The following CADM2 variants were observed in gnomAD, a reference collection of about 807,000 sequenced individuals.
The protein encoded by CADM2 is cell adhesion molecule 2, also known as immunoglobulin superfamily member 4D.
Under a neutral mutation model 49.8 loss-of-function variants are expected in CADM2, and 12 were observed. That is an observed-to-expected ratio of 0.24 (90% CI 0.15 to 0.39). CADM2 has a LOEUF of 0.39. Ranked by LOEUF, CADM2 falls within the 10% of genes least tolerant of loss-of-function variation. CADM2 has a pLI of 1.00. For synonymous variants in CADM2, 214 were observed against 175.4 expected, an observed-to-expected ratio of 1.22 and a Z score of -1.74; for missense variants, 378 against 492.3, an observed-to-expected ratio of 0.77 and a Z score of 2.20.
intron 1 of CADM2, among the ~76,000 whole-genome samples, chr3:85,341,053 C>G (rs1467852897): frequency 3.3e-5 from 5 of 151,514 alleles, no homozygotes; most frequent in Non-Finnish European, 7.4e-5. Flanking sequence ...TCCCTGAACT[C>G]TGAATTAATA....
chr3:85,917,830 C>T (rs1341469527), intron 6 of CADM2, among the ~76,000 whole-genome samples: 1 of 151,986 alleles, frequency 6.6e-6, no homozygotes, highest in African/African-American at 2.4e-5. Flanking sequence ...TGTTTGTGTC[C>T]TCTTTTATTT....
chr3:85,898,955 ATTT>A (rs35857247), intron 5 of CADM2, among the ~76,000 whole-genome samples: 28 of 33,870 alleles, frequency 8.3e-4, no homozygotes, highest in South Asian at 1.4e-3. Flanking sequence ...ATATATATAT[ATTT>A]TTTTTTTTTT....
chr3:86,018,585 T>C (rs1322267159), intron 8 of CADM2, among the ~76,000 whole-genome samples: 1 of 152,238 alleles, frequency 6.6e-6, no homozygotes, highest in Non-Finnish European at 1.5e-5. Flanking sequence ...TGGTGTGAGA[T>C]GGCATTGCAT....
chr3:85,168,678 CA>C, intron 1 of CADM2, among the ~76,000 whole-genome samples: 1 of 152,060 alleles, frequency 6.6e-6, no homozygotes, highest in East Asian at 1.9e-4. Context: ...TCACCCAAGC[CA>C]ATATATACTT....
At chr3:85,551,923 C>T (rs2061811821) in intron 1 of CADM2, among the ~76,000 whole-genome samples, 1 of 152,036 alleles carries the variant, frequency 6.6e-6, no homozygotes, top group South Asian at 2.1e-4. Flanking sequence ...TTCATTTGGA[C>T]AAAGGTGATG....
chr3:85,161,339 C>G (rs2040315214), intron 1 of CADM2, among the ~76,000 whole-genome samples: 1 of 152,066 alleles, frequency 6.6e-6, no homozygotes, highest in Admixed American at 6.6e-5. Flanking sequence ...TTTGTAGAAT[C>G]TATGAGGAGG....
chr3:85,378,228 C>T (rs919232403), intron 1 of CADM2, among the ~76,000 whole-genome samples: 6 of 151,950 alleles, frequency 3.9e-5, no homozygotes, highest in Admixed American at 2.0e-4. Flanking sequence ...TTACTTGGAC[C>T]AGGTCTCTGT....
intron 2 of CADM2, among the ~76,000 whole-genome samples, chr3:85,772,153 T>C (rs1241764863): frequency 6.6e-6 from 1 of 151,932 alleles, no homozygotes; most frequent in Non-Finnish European, 1.5e-5. Flanking sequence ...CCATAGCATT[T>C]ATGAAACATA....
intron 1 of CADM2, among the ~76,000 whole-genome samples, chr3:85,598,788 A>T (rs1215769944): frequency 6.6e-6 from 1 of 151,898 alleles, no homozygotes; most frequent in Non-Finnish European, 1.5e-5. Context: ...TTTAATTGCC[A>T]TTCTCTATAT....
intron 1 of CADM2, among the ~76,000 whole-genome samples, chr3:85,344,219 C>T (rs1290547898): frequency 1.4e-5 from 2 of 141,116 alleles, no homozygotes; most frequent in Non-Finnish European, 3.1e-5. Flanking sequence ...ACTAAAAATA[C>T]AAAAAAAAAA....
At chr3:85,793,147 G>A (rs139340970) in intron 2 of CADM2, among the ~76,000 whole-genome samples, 117 of 152,240 alleles carry the variant, frequency 7.7e-4, no homozygotes, top group Middle Eastern at 3.4e-3. Flanking sequence ...AGGAATAATG[G>A]CAACTGCTCA....
At chr3:85,782,966 G>A (rs1353298325) in intron 2 of CADM2, among the ~76,000 whole-genome samples, 1 of 152,072 alleles carries the variant, frequency 6.6e-6, no homozygotes, top group Non-Finnish European at 1.5e-5. Context: ...ATGAGATTCA[G>A]TAAACAGTGC....
At chr3:85,803,537 A>G (rs2072203188) in intron 3 of CADM2, among the ~76,000 whole-genome samples, 1 of 152,184 alleles carries the variant, frequency 6.6e-6, no homozygotes, top group Admixed American at 6.6e-5. Context: ...AGATAGATCA[A>G]TTGATCGATA....
At chr3:86,028,651 G>T (rs2107129127) in intron 8 of CADM2, among the ~76,000 whole-genome samples, 1 of 152,058 alleles carries the variant, frequency 6.6e-6, no homozygotes, top group East Asian at 1.9e-4. Context: ...ATTACCTCCT[G>T]TTACTTTCAA....
chr3:86,024,872 A>T (rs1398768288), intron 8 of CADM2, among the ~76,000 whole-genome samples: 1 of 151,276 alleles, frequency 6.6e-6, no homozygotes, highest in Non-Finnish European at 1.5e-5. Flanking sequence ...CATTATTATT[A>T]TTATTATAAT....
chr3:85,506,657 C>T (rs944273645), intron 1 of CADM2, among the ~76,000 whole-genome samples: 1 of 151,942 alleles, frequency 6.6e-6, no homozygotes, highest in Non-Finnish European at 1.5e-5. Context: ...GCGTTAGCTT[C>T]CCAAAAAGCT....
At chr3:85,032,105 A>T (rs1576075948) in intron 1 of CADM2, among the ~76,000 whole-genome samples, 1 of 152,124 alleles carries the variant, frequency 6.6e-6, no homozygotes, top group East Asian at 1.9e-4. Context: ...CTGGTCATCT[A>T]TATGCCAAAT....
chr3:85,092,911 A>AT (rs1481481365), intron 1 of CADM2, among the ~76,000 whole-genome samples: 1 of 152,166 alleles, frequency 6.6e-6, no homozygotes, highest in African/African-American at 2.4e-5. Flanking sequence ...TACCTTTGTC[A>AT]TTCTCATTGA....
At chr3:85,600,798 T>C (rs1014337365) in intron 1 of CADM2, among the ~76,000 whole-genome samples, 4 of 151,612 alleles carry the variant, frequency 2.6e-5, no homozygotes, top group Admixed American at 6.6e-5. Flanking sequence ...TTAATACAGA[T>C]TATTTGGTGT....
Sources: gnomAD v4.1 joint callset for allele counts (sites outside exome capture counted in the v4.1 genomes callset) on GRCh38, gnomAD v4.1.1 for gene constraint, MANE v1.5 for transcripts, NCBI Gene and HGNC (gene_info 2026-07-23, HGNC 2026-07-21) for gene names.